TMEM167A: variants seen among roughly 807,000 people sequenced by gnomAD.
The protein encoded by TMEM167A is transmembrane protein 167A, also known as protein kish-A.
TMEM167A carries 8 observed loss-of-function variants against 11.6 expected under a neutral mutation model. The ratio of observed to expected loss-of-function variants is 0.69; its 90% CI spans 0.40 to 1.24. The LOEUF (loss-of-function observed/expected upper bound fraction) is 1.24. Ranked by LOEUF, TMEM167A falls within the 50% of genes most tolerant of loss-of-function variation. The probability of loss-of-function intolerance (pLI) is 0.01; values close to 1 mark genes in which losing one functional copy is unlikely to be tolerated. For missense variants in TMEM167A, 62 were observed against 87.0 expected, an observed-to-expected ratio of 0.71 and a Z score of 1.14; for synonymous variants, 22 against 28.0, an observed-to-expected ratio of 0.79 and a Z score of 0.67.
At chr5:83,076,391 T>C (rs1744662279) in intron 1 of TMEM167A, among the ~76,000 whole-genome samples, 1 of 152,226 alleles carries the variant, frequency 6.6e-6, no homozygotes, top group African/African-American at 2.4e-5. Context: ...GACAGTGAGA[T>C]AATAAAAAGA....
intron 3 of TMEM167A, among the ~76,000 whole-genome samples, chr5:83,060,620 A>T (rs1267760056): frequency 6.6e-6 from 1 of 152,042 alleles, no homozygotes; most frequent in Non-Finnish European, 1.5e-5. Flanking sequence ...TCACAAGGTC[A>T]GGAGTTGGAG....
intron 1 of TMEM167A, among the ~76,000 whole-genome samples, chr5:83,073,758 T>A (rs1347260698): frequency 1.3e-5 from 2 of 152,356 alleles, no homozygotes; most frequent in East Asian, 3.9e-4. Flanking sequence ...CAATTGGGAA[T>A]GGAGTTTCTT....
At chr5:83,064,103 G>A (rs920560145) in intron 2 of TMEM167A, 3 of 349,754 alleles carry the variant, frequency 8.6e-6, no homozygotes, top group South Asian at 2.3e-5. Context: ...TGCTTAACAC[G>A]TATATAAGTA....
At chr5:83,064,957 T>C (rs1429699265) in intron 2 of TMEM167A, 51 bp downstream of exon 2, 2 of 1,056,306 alleles carry the variant, frequency 1.9e-6, no homozygotes, top group East Asian at 2.4e-5. Context: ...TAACTTACAT[T>C]GAACATTTGT....
chr5:83,053,847 GAAT>G lies in TMEM167A; in HGVS notation c.*3234_*3236del, dbSNP rs1472107499. ...TTCTTCTAGAATCCTGGGATTATCT[GAAT>G]AATAAATGCCATCACATTGTACTTT... is the stretch of plus-strand genomic sequence containing the variant. On this transcript the variant is annotated 3_prime_UTR_variant, in exon 4 of 4. Coordinates refer to ENST00000502346, the MANE Select transcript of TMEM167A (RefSeq NM_174909.5). The G allele has an allele frequency of 6.6e-6, 1 of 151,980 alleles. No individual in the cohort carries two copies. The highest frequency in any genetic ancestry group is 1.9e-4 in the East Asian group (1 of 5,186). 9.4% of individuals were successfully genotyped at this position (151,980 alleles called of 1,614,324 possible).
chr5:83,074,248 CA>C (rs1355587678), intron 1 of TMEM167A, among the ~76,000 whole-genome samples: 1 of 152,162 alleles, frequency 6.6e-6, no homozygotes, highest in Non-Finnish European at 1.5e-5. Context: ...CTTTTGTTCC[CA>C]TAACTGCCAT....
intron 1 of TMEM167A, among the ~76,000 whole-genome samples, chr5:83,073,110 A>G (rs1744587427): frequency 6.6e-6 from 1 of 152,166 alleles, no homozygotes; most frequent in East Asian, 1.9e-4. Context: ...TTTCGTGACA[A>G]ATTGGTTCCG....
intron 3 of TMEM167A, among the ~76,000 whole-genome samples, chr5:83,059,077 A>G (rs768105278): frequency 1.3e-5 from 2 of 152,034 alleles, no homozygotes; most frequent in Non-Finnish European, 2.9e-5. Flanking sequence ...GCTTTCACAG[A>G]ATTGGCAAGA....
chr5:83,068,068 G>A (rs913877516), intron 1 of TMEM167A, among the ~76,000 whole-genome samples: 4 of 152,076 alleles, frequency 2.6e-5, no homozygotes, highest in African/African-American at 9.7e-5. Context: ...ATGATCAATT[G>A]TAGATAAAAA....
rs1223093427 is a variant in TMEM167A at position 83,065,064 on chromosome 5, A to G, written c.57T>C (p.Cys19=). 6.2e-7 allele frequency: 1 copy of G among 1,607,398 alleles called. No homozygotes were observed. Among genetic ancestry groups the G allele is most frequent in the South Asian group, 1.1e-5 (1 of 89,248 alleles). ...SLLTVILLLI[C]TCAYIRSLAP... ...CCAAGGATCGAATATAAGCACAGGT[A>G]CATATAAGCAGCAAGATTACAGTCA... The change falls in exon 2 of 4, where the codon TGT becomes TGC. Residue 19 remains cysteine, a synonymous_variant. Coordinates refer to ENST00000502346, the MANE Select transcript of TMEM167A (RefSeq NM_174909.5).
intron 1 of TMEM167A, among the ~76,000 whole-genome samples, chr5:83,066,855 T>G (rs9293328): frequency 0.32 from 48,001 of 151,956 alleles, 8,870 homozygotes; most frequent in Non-Finnish European, 0.42. Context: ...AAATGAATTC[T>G]TTCCGGAGAG....
intron 3 of TMEM167A, among the ~76,000 whole-genome samples, chr5:83,057,920 T>G (rs930652700): frequency 1.3e-5 from 2 of 152,096 alleles, no homozygotes; most frequent in Non-Finnish European, 2.9e-5. Flanking sequence ...GATCTTATTC[T>G]TCTCTGTTCC....
chr5:83,061,752 C>T (rs889578206), intron 3 of TMEM167A, 125 bp downstream of exon 3: 92 of 951,158 alleles, frequency 9.7e-5, no homozygotes, highest in Middle Eastern at 4.9e-4. Context: ...TAAACTTTTG[C>T]GAAAATGCAT....
intron 1 of TMEM167A, among the ~76,000 whole-genome samples, chr5:83,072,809 G>C (rs980781308): frequency 5.9e-5 from 9 of 152,096 alleles, no homozygotes; most frequent in African/African-American, 1.7e-4. Context: ...CAAAAGCTTT[G>C]CTAGAGAAGA....
At chr5:83,061,580 A>G (rs1483352337) in intron 3 of TMEM167A, among the ~76,000 whole-genome samples, 1 of 152,078 alleles carries the variant, frequency 6.6e-6, no homozygotes, top group East Asian at 1.9e-4. Flanking sequence ...CTTTTAGTAG[A>G]GACAGGGTTT....
intron 1 of TMEM167A, among the ~76,000 whole-genome samples, chr5:83,069,525 T>C (rs2112247010): frequency 6.6e-6 from 1 of 152,244 alleles, no homozygotes; most frequent in African/African-American, 2.4e-5. Flanking sequence ...CAAGGTACTC[T>C]ATTGAGTTTT....
chr5:83,057,074 T>C lies in TMEM167A; in HGVS notation c.*10A>G. 6.2e-7 allele frequency: 1 copy of C among 1,610,008 alleles called. No individual in the cohort carries two copies. ...ATCTGATGGCAACTACATTCTGGCA[T>C]TTTCCCCAGCTACTGTATGAAGAGG... On this transcript the variant is annotated 3_prime_UTR_variant, in exon 4 of 4. Transcript: ENST00000502346.
intron 1 of TMEM167A, among the ~76,000 whole-genome samples, chr5:83,073,939 A>T (rs1016961826): frequency 2.6e-5 from 4 of 152,202 alleles, no homozygotes; most frequent in Non-Finnish European, 5.9e-5. Context: ...ATCATTGTAT[A>T]CCTGAACTAC....
intron 1 of TMEM167A, among the ~76,000 whole-genome samples, chr5:83,067,700 A>G (rs11740150): frequency 0.32 from 47,979 of 151,266 alleles, 8,862 homozygotes; most frequent in Non-Finnish European, 0.42. Context: ...TTTAGTAGAG[A>G]CAGGGTTTCG....
Sources: allele counts gnomAD v4.1 joint callset (sites outside exome capture counted in the v4.1 genomes callset), GRCh38; gene constraint gnomAD v4.1.1; transcripts MANE v1.5; gene names NCBI Gene and HGNC (gene_info 2026-07-23, HGNC 2026-07-21).